Variants in CORIN observed in about 807,000 individuals in gnomAD.
CORIN encodes the protein atrial natriuretic peptide-converting enzyme.
CORIN carries 117 observed loss-of-function variants against 125.3 expected under a neutral mutation model. That is an observed-to-expected ratio of 0.93 (90% CI 0.80 to 1.09). The LOEUF (loss-of-function observed/expected upper bound fraction) is 1.09, where lower values mean the gene tolerates loss of function less well. CORIN is among the 50% of genes least tolerant of loss of function. The probability of loss-of-function intolerance (pLI) is 0.00; values close to 1 mark genes in which losing one functional copy is unlikely to be tolerated. For missense variants in CORIN, 1,253 were observed against 1,306.7 expected, an observed-to-expected ratio of 0.96 and a Z score of 0.63; for synonymous variants, 450 against 466.4, an observed-to-expected ratio of 0.96 and a Z score of 0.45.
In CORIN at chr4:47,668,171, T is replaced by G. The variant is rs530628717; in HGVS notation, c.1358-2908A>C. Among the ~76,000 whole-genome samples the G allele has an allele frequency of 7.9e-5, 12 of 152,370 alleles. No individual in the cohort carries two copies. In the East Asian group the frequency reaches 2.1e-3, roughly 27 times the overall value. On this transcript the variant is annotated intron_variant, in intron 10 of 21. Coordinates refer to ENST00000273857, the MANE Select transcript of CORIN (RefSeq NM_006587.4). ...ATGTTGTTTATAAGCAATAATGATT[T>G]GTTATAGCAGTCTGAACTAAGACAA...
At chr4:47,698,008 T>G (rs1726102837) in intron 5 of CORIN, among the ~76,000 whole-genome samples, 1 of 151,852 alleles carries the variant, frequency 6.6e-6, no homozygotes, top group African/African-American at 2.4e-5. Context: ...ACATTCTGTA[T>G]TATTACAGAA....
intron 16 of CORIN, among the ~76,000 whole-genome samples, chr4:47,633,213 A>T (rs1722909207): frequency 6.6e-6 from 1 of 152,216 alleles, no homozygotes; most frequent in Non-Finnish European, 1.5e-5. Context: ...TGGATCATAA[A>T]ATTAACTTGC....
chr4:47,641,831 ACT>A, intron 16 of CORIN, 87 bp downstream of exon 16: 1 of 1,482,854 alleles, frequency 6.7e-7, no homozygotes, highest in Non-Finnish European at 9.2e-7. Context: ...GAGAGCACTA[ACT>A]CTCTGTGCAT....
intron 16 of CORIN, among the ~76,000 whole-genome samples, chr4:47,628,650 A>G (rs1722683143): frequency 6.6e-6 from 1 of 152,152 alleles, no homozygotes; most frequent in African/African-American, 2.4e-5. Context: ...GGCAACTAAC[A>G]TTCTACTCTC....
At chr4:47,680,083 C>T in intron 8 of CORIN, 58 bp downstream of exon 8, 1 of 1,091,554 alleles carries the variant, frequency 9.2e-7, no homozygotes, top group Non-Finnish European at 1.4e-6. Context: ...ACCTTGAGTA[C>T]AGCCTAAAGA....
At chr4:47,832,440 CTTTTCT>C (rs1295043718) in intron 1 of CORIN, among the ~76,000 whole-genome samples, 1 of 129,336 alleles carries the variant, frequency 7.7e-6, no homozygotes, top group Non-Finnish European at 1.7e-5. Flanking sequence ...TCTTTCTTTT[CTTTTCT>C]TTTTTTTTTT....
chr4:47,789,895 G>A (rs550253459), intron 2 of CORIN, among the ~76,000 whole-genome samples: 54 of 151,982 alleles, frequency 3.6e-4, no homozygotes, highest in African/African-American at 1.2e-3. Flanking sequence ...GGTGGCGGGC[G>A]CCTGTAGTCC....
chr4:47,613,900 TAC>T (rs1721968887), intron 19 of CORIN, among the ~76,000 whole-genome samples: 1 of 151,662 alleles, frequency 6.6e-6, no homozygotes, highest in Admixed American at 6.6e-5. Flanking sequence ...ATGGCACATG[TAC>T]ACGTACGTAA....
chr4:47,786,410 G>A (rs1231282391), intron 3 of CORIN, among the ~76,000 whole-genome samples: 1 of 152,006 alleles, frequency 6.6e-6, no homozygotes, highest in East Asian at 1.9e-4. Context: ...GCGTGGTGGC[G>A]GGCGCCTGTA....
At chr4:47,667,096 A>G (rs1724514752) in intron 10 of CORIN, among the ~76,000 whole-genome samples, 2 of 152,184 alleles carry the variant, frequency 1.3e-5, no homozygotes, top group African/African-American at 4.8e-5. Context: ...ATGGTAGTGA[A>G]TAAGTCTCAC....
At chr4:47,660,528 C>G (rs1007962050) in intron 12 of CORIN, among the ~76,000 whole-genome samples, 7 of 152,102 alleles carry the variant, frequency 4.6e-5, no homozygotes, top group Non-Finnish European at 8.8e-5. Context: ...GCTGAATAAA[C>G]ATATCTCAAA....
chr4:47,675,642 CT>C (rs1413205183), intron 9 of CORIN, among the ~76,000 whole-genome samples: 1 of 152,156 alleles, frequency 6.6e-6, no homozygotes, highest in African/African-American at 2.4e-5. Flanking sequence ...ATAATACCCC[CT>C]GGGAAGTGGC....
rs958280780 is a variant in CORIN at position 47,691,182 on chromosome 4, T to A, written c.913+1788A>T. 3.3e-5 allele frequency among the ~76,000 whole-genome samples: 5 copies of A among 152,198 alleles called. No homozygotes were observed. In the East Asian group the frequency reaches 9.6e-4, roughly 29 times the overall value. On this transcript the variant is annotated intron_variant, in intron 6 of 21. Coordinates refer to ENST00000273857, the MANE Select transcript of CORIN (RefSeq NM_006587.4). ...ATGCTCAGTACTATTGAGGAACATA[T>A]GATAAAAACCATAGTTGGCCCACCA...
chr4:47,681,916 A>G (rs1725299753), intron 7 of CORIN: 1 of 152,180 alleles, frequency 6.6e-6, no homozygotes, highest in Admixed American at 6.5e-5. Context: ...ATGAGTGGAG[A>G]AGAAAATATG....
chr4:47,672,212 C>T (rs1457889152), intron 10 of CORIN, among the ~76,000 whole-genome samples: 2 of 152,200 alleles, frequency 1.3e-5, no homozygotes, highest in East Asian at 3.8e-4. Flanking sequence ...CATCCCGATG[C>T]TTGGAACATC....
intron 19 of CORIN, among the ~76,000 whole-genome samples, chr4:47,604,147 A>G (rs1159125088): frequency 6.6e-6 from 1 of 152,168 alleles, no homozygotes; most frequent in African/African-American, 2.4e-5. Context: ...CCCATACTCC[A>G]CTGTTTTTGA....
intron 1 of CORIN, among the ~76,000 whole-genome samples, chr4:47,821,273 C>G (rs923871537): frequency 8.6e-5 from 13 of 151,584 alleles, no homozygotes; most frequent in Admixed American, 2.0e-4. Context: ...TGACCTCAAC[C>G]TTTTTATTAA....
chr4:47,621,607 T>C (rs1450679315), intron 19 of CORIN, among the ~76,000 whole-genome samples: 2 of 152,214 alleles, frequency 1.3e-5, no homozygotes, highest in Non-Finnish European at 2.9e-5. Context: ...GCAGTGATGT[T>C]CGTCAGTTTG....
At chr4:47,729,030 C>A (rs1032204515) in intron 5 of CORIN, among the ~76,000 whole-genome samples, 1 of 152,108 alleles carries the variant, frequency 6.6e-6, no homozygotes, top group Admixed American at 6.5e-5. Flanking sequence ...ATTACGGAGC[C>A]CGCAGAGAAC....
Sources: allele counts gnomAD v4.1 joint callset (sites outside exome capture counted in the v4.1 genomes callset), GRCh38; gene constraint gnomAD v4.1.1; transcripts MANE v1.5; gene names NCBI Gene and HGNC (gene_info 2026-07-23, HGNC 2026-07-21).